Variants in SEZ6L2 observed in about 807,000 individuals in gnomAD.
SEZ6L2 encodes seizure related 6 homolog like 2.
Under a neutral mutation model 97.0 loss-of-function variants are expected in SEZ6L2, and 44 were observed. That is an observed-to-expected ratio of 0.45 (90% CI 0.36 to 0.58). SEZ6L2 has a LOEUF of 0.58. Among genes scored for constraint, SEZ6L2 ranks in the 20% least tolerant of loss-of-function variants. SEZ6L2 has a pLI of 0.00. For synonymous variants in SEZ6L2, 543 were observed against 546.1 expected (o/e 0.99, Z 0.08); for missense variants, 1,086 against 1,233.3 (o/e 0.88, Z 1.79).
intron 5 of SEZ6L2, among the ~76,000 whole-genome samples, chr16:29,891,692 G>T (rs2068276045): frequency 6.6e-6 from 1 of 151,980 alleles, no homozygotes; most frequent in Admixed American, 6.6e-5. Context: ...CCAAGAGGCA[G>T]CATGGATCGG....
chr16:29,887,958 C>A, intron 6 of SEZ6L2, 141 bp from the exon 7 acceptor site: 1 of 880,910 alleles, frequency 1.1e-6, no homozygotes, highest in South Asian at 1.7e-5. Flanking sequence ...CCCATGGAGT[C>A]ACTCCAGAGG....
rs116546164 is a variant in SEZ6L2, at chr16:29,889,134, G to A, written c.854-409C>T. Among the ~76,000 whole-genome samples, 345 of 152,264 alleles carry A rather than the reference G, an allele frequency of 2.3e-3. 2 individuals carry two copies. The highest frequency in any genetic ancestry group is 5.3e-3 in the African/African-American group (221 of 41,546). ...AAGTGAGTCCACACAGAGATTTTGAGGTCAGCAGACAAAGATTATGTGACC... is the reference window on the plus strand; with the variant it reads ...AAGTGAGTCCACACAGAGATTTTGAAGTCAGCAGACAAAGATTATGTGACC... On this transcript the variant is annotated intron_variant, in intron 5 of 17. Transcript: ENST00000617533.
intron 14 of SEZ6L2, 48 bp from the exon 15 acceptor site, chr16:29,872,791 A>G: frequency 8.1e-7 from 1 of 1,237,494 alleles, no homozygotes; most frequent in Non-Finnish European, 1.2e-6. Context: ...CAGGGAGGGG[A>G]GGAGGCTGGG....
In SEZ6L2 at chr16:29,879,445, G is replaced by A. The variant is rs1487273430; in HGVS notation, c.1573+419C>T. ...TCTCCATGTTGATCAGGCTGGTCTCGAACTCCCGACCTCAGGTGATCCGCC... is the reference window on the plus strand; with the variant it reads ...TCTCCATGTTGATCAGGCTGGTCTCAAACTCCCGACCTCAGGTGATCCGCC... On this transcript the variant is annotated intron_variant, in intron 9 of 17. Coordinates refer to ENST00000617533, the MANE Select transcript of SEZ6L2 (RefSeq NM_001243332.2). Among the ~76,000 whole-genome samples, 5 of 142,486 alleles carry A rather than the reference G, an allele frequency of 3.5e-5. No individual in the cohort carries two copies. The East Asian group carries it at 6.5e-4, about 18-fold the overall frequency. The allele number at this position is 142,486 out of a possible 152,430, so 93.5% of individuals were successfully genotyped here. A position where few individuals can be genotyped will look rare whatever the true frequency, so the allele number is the denominator to read the frequency against.
chr16:29,882,577 CA>C (rs201664178), intron 8 of SEZ6L2, among the ~76,000 whole-genome samples: 9,663 of 91,418 alleles, frequency 0.11, 857 homozygotes, highest in East Asian at 0.37. Context: ...AACTCCATCT[CA>C]AAAAAAAAAA....
At position 29,878,352 on chromosome 16, in the gene SEZ6L2, C is replaced by T. The variant is rs746641096; in HGVS notation, c.1647G>A (p.Pro549=). 1.2e-6 allele frequency: 2 copies of T among 1,606,816 alleles called. No homozygotes were observed. Among genetic ancestry groups the T allele is most frequent in the African/African-American group, 1.3e-5 (1 of 74,920 alleles). The change falls in exon 10 of 18, where the codon CCG becomes CCA. Residue 549 remains proline (P), a synonymous_variant. Coordinates refer to ENST00000617533, the MANE Select transcript of SEZ6L2 (RefSeq NM_001243332.2). ...GCACGCCCCACACGCAGTCTTGGCC[C>T]GGGCTATAGCTCTGGGGCCAGTCGG... ...LSPDWPQSYS[P]GQDCVWGVHV... is the part of the protein sequence containing the mutation.
At position 29,879,949 on chromosome 16, in the gene SEZ6L2, G is replaced by A. The variant is rs375673174; in HGVS notation, c.1488C>T (p.Ala496=). 12 of 1,614,040 alleles carry A rather than the reference G, an allele frequency of 7.4e-6. No individual in the cohort carries two copies. The highest frequency in any genetic ancestry group is 1.6e-4 in the Middle Eastern group (1 of 6,084). The change falls in exon 9 of 18, where the codon GCC becomes GCT. Residue 496 remains alanine, a synonymous_variant. Coordinates refer to ENST00000617533, the MANE Select transcript of SEZ6L2 (RefSeq NM_001243332.2). Reference sequence around the variant, plus strand: ...CATTGGGGGGCCCAGGGGGCTCCAGGGCATATCCTGGGAGGCACGAGAAGG... The same window carrying A: ...CATTGGGGGGCCCAGGGGGCTCCAGAGCATATCCTGGGAGGCACGAGAAGG... The part of the protein sequence containing the change: ...LATFSCLPGY[A]LEPPGPPNAI...
rs747793421 is a variant in SEZ6L2, at chr16:29,899,034, ATC to A, written c.-17_-16del. On this transcript the variant is annotated 5_prime_UTR_variant, in exon 1 of 18. Transcript: ENST00000617533. ...GGAGTCCCCATGGCGACTCACCCCG[ATC>A]TCTCTCCTCTGTGCCTCTCTAAGTA... The A allele has an allele frequency of 8.2e-6, 13 of 1,593,914 alleles. No homozygotes were observed. The highest frequency in any genetic ancestry group is 1.4e-5 in the African/African-American group (1 of 72,656).
intron 11 of SEZ6L2, 69 bp downstream of exon 11, chr16:29,877,202 G>A (rs2067924060): frequency 1.4e-6 from 2 of 1,445,542 alleles, no homozygotes; most frequent in Admixed American, 2.7e-5. Flanking sequence ...GAGCCACCAC[G>A]ACCGGCCACC....
chr16:29,891,249 A>G (rs1398959538), intron 5 of SEZ6L2, among the ~76,000 whole-genome samples: 1 of 141,112 alleles, frequency 7.1e-6, no homozygotes, highest in East Asian at 2.0e-4. Context: ...TTTTCAGTAC[A>G]GACAGTGTTT....
Position 29,879,987 on chromosome 16 carries a change from CT to C in SEZ6L2, c.1449del (p.Ala485HisfsTer88), listed in dbSNP as rs780352181. The C allele has an allele frequency of 6.2e-7, 1 of 1,614,200 alleles. No individual in the cohort carries two copies. Among genetic ancestry groups the C allele is most frequent in the Non-Finnish European group, 8.5e-7 (1 of 1,180,038 alleles). Reference sequence around the variant, plus strand: ...AGGCACGAGAAGGTTGCCAGTGCCCCTGGGCGATACTCAGGGTCCGTGGTAG... The same window carrying C: ...AGGCACGAGAAGGTTGCCAGTGCCCCGGGCGATACTCAGGGTCCGTGGTAG... ...NVTTTDPEYRPGALATFSCLP... is the reference protein window; with the variant it reads ...NVTTTDPEYRXGALATFSCLP... On this transcript the variant is annotated frameshift_variant, in exon 9 of 18. Coordinates refer to ENST00000617533, the MANE Select transcript of SEZ6L2 (RefSeq NM_001243332.2). LOFTEE classifies it high-confidence loss of function.
chr16:29,885,458 C>T, intron 8 of SEZ6L2, 128 bp downstream of exon 8: 2 of 990,768 alleles, frequency 2.0e-6, no homozygotes, highest in Non-Finnish European at 1.5e-6. Context: ...GGCAGGGAAG[C>T]GAGTCACGTT....
Position 29,877,423 on chromosome 16 carries a change from T to C in SEZ6L2, c.1757A>G (p.Asp586Gly). 1.9e-6 allele frequency: 3 copies of C among 1,610,276 alleles called. No homozygotes were observed. The highest frequency in any genetic ancestry group is 2.7e-5 in the African/African-American group (2 of 74,914). The change falls in exon 11 of 18, where the codon GAC (aspartate) becomes GGC (glycine). Residue 586 changes from aspartate (D) to glycine (G), a missense_variant. Around this residue, in one of 2 missense-constraint regions of SEZ6L2, gnomAD observed 776 missense variants for 794.7 expected, o/e 0.98. Transcript: ENST00000617533. ...EGDMLTLFDG[D>G]GPSARVLAQL... ...GGCCAAGACTCGGGCGCTGGGACCG[T>C]CCCCGTCGAACAGCGTCAGCATGTC...
chr16:29,879,523 C>G (rs1361862469), intron 9 of SEZ6L2, among the ~76,000 whole-genome samples: 1 of 152,242 alleles, frequency 6.6e-6, no homozygotes, highest in African/African-American at 2.4e-5. Context: ...CCGTGCCCAG[C>G]CATGATCTAC....
rs757230312 is a variant in SEZ6L2, at chr16:29,877,486, G to A, written c.1713-19C>T. 2 of 1,561,196 alleles carry A rather than the reference G, an allele frequency of 1.3e-6. No individual in the cohort carries two copies. Among genetic ancestry groups the A allele is most frequent in the Non-Finnish European group, 8.7e-7 (1 of 1,152,098 alleles). On this transcript the variant is annotated intron_variant, in intron 10 of 17. Coordinates refer to ENST00000617533, the MANE Select transcript of SEZ6L2 (RefSeq NM_001243332.2). ...ATTCAATCTGCAGGGGGTGAGACCA[G>A]GCAATGGGGCGGGGCTGCGACTGGC...
chr16:29,875,667 T>TC (rs1340383268), intron 12 of SEZ6L2, among the ~76,000 whole-genome samples: 1 of 144,592 alleles, frequency 6.9e-6, no homozygotes, highest in Non-Finnish European at 1.5e-5. Flanking sequence ...CTTTCTTTCT[T>TC]TTTTTTTTTT....
intron 9 of SEZ6L2, among the ~76,000 whole-genome samples, chr16:29,879,659 ATTTG>A (rs2067988920): frequency 6.6e-6 from 1 of 152,210 alleles, no homozygotes. Flanking sequence ...TCTTGAAGAC[ATTTG>A]GGTTTGTGAC....
chr16:29,897,777 G>C (rs2068436758), intron 2 of SEZ6L2, 76 bp downstream of exon 2: 1 of 1,483,518 alleles, frequency 6.7e-7, no homozygotes, highest in Non-Finnish European at 9.0e-7. Context: ...CTCTTCTCTA[G>C]CCTGGCTCCC....
At chr16:29,887,852 T>C (rs369207551) in intron 6 of SEZ6L2, 35 bp from the exon 7 acceptor site, 131 of 1,607,970 alleles carry the variant, frequency 8.1e-5, no homozygotes, top group Non-Finnish European at 1.1e-4. Flanking sequence ...AAGGCCAGCC[T>C]GAGGTGAACT....
Sources: allele counts gnomAD v4.1 joint callset (sites outside exome capture counted in the v4.1 genomes callset), GRCh38; gene constraint gnomAD v4.1.1; regional missense constraint gnomAD v4.1.1; transcripts MANE v1.5; gene names NCBI Gene and HGNC (gene_info 2026-07-23, HGNC 2026-07-21).